The following CNTNAP2 variants were observed in gnomAD, a reference collection of about 807,000 sequenced individuals.
CNTNAP2 encodes contactin associated protein 2.
CNTNAP2 carries 98 observed loss-of-function variants against 155.2 expected under a neutral mutation model. That is an observed-to-expected ratio of 0.63 (90% CI 0.54 to 0.75). The LOEUF is 0.75. CNTNAP2 is among the 30% of genes least tolerant of loss of function. The pLI is 0.00. For synonymous variants in CNTNAP2, 651 were observed against 631.2 expected (o/e 1.03, Z -0.47); for missense variants, 1,727 against 1,688.1 (o/e 1.02, Z -0.40).
chr7:146,891,115 G>A (rs1351996135), intron 3 of CNTNAP2, among the ~76,000 whole-genome samples: 2 of 152,110 alleles, frequency 1.3e-5, no homozygotes, highest in Non-Finnish European at 2.9e-5. Context: ...GCAGCTAGAG[G>A]CCATTATCCT....
chr7:147,036,572 C>G (rs113306437), intron 3 of CNTNAP2, among the ~76,000 whole-genome samples: 5 of 152,180 alleles, frequency 3.3e-5, no homozygotes, highest in African/African-American at 9.6e-5. Context: ...AAACCCTATT[C>G]TAAGCATATA....
intron 1 of CNTNAP2, among the ~76,000 whole-genome samples, chr7:146,170,020 T>TTC (rs901402608): frequency 7.0e-6 from 1 of 142,896 alleles, no homozygotes; most frequent in Non-Finnish European, 1.5e-5. Context: ...TTTCTTTTCT[T>TTC]TTTTTTTTTT....
At chr7:146,347,222 T>C (rs756126873) in intron 1 of CNTNAP2, among the ~76,000 whole-genome samples, 2 of 148,932 alleles carry the variant, frequency 1.3e-5, no homozygotes, top group Non-Finnish European at 3.0e-5. Context: ...AAAATAGAGA[T>C]GGAGGAGAAA....
rs184112823 is a variant in CNTNAP2 at position 147,148,803 on chromosome 7, G to A, written c.1348+16294G>A. Among the ~76,000 whole-genome samples, 633 of 152,186 alleles carry A rather than the reference G, an allele frequency of 4.2e-3. 4 individuals carry two copies. The highest frequency in any genetic ancestry group is 6.6e-3 in the Non-Finnish European group (450 of 68,024). ...TCTCACTGACTTCGGGAGTGAAGCC[G>A]CAAACCTTTGCAGTGAGTGTTACAG... is the stretch of plus-strand genomic sequence containing the variant. On this transcript the variant is annotated intron_variant, in intron 8 of 23. Coordinates refer to ENST00000361727, the MANE Select transcript of CNTNAP2 (RefSeq NM_014141.6).
intron 2 of CNTNAP2, among the ~76,000 whole-genome samples, chr7:146,831,553 G>A (rs888196431): frequency 6.6e-6 from 1 of 151,122 alleles, no homozygotes; most frequent in African/African-American, 2.4e-5. Context: ...GCATGTGCCT[G>A]TAATCCCAGC....
At chr7:147,210,945 C>T (rs545882954) in intron 8 of CNTNAP2, among the ~76,000 whole-genome samples, 10 of 149,086 alleles carry the variant, frequency 6.7e-5, no homozygotes, top group South Asian at 2.1e-4. Flanking sequence ...GAGTATGCTT[C>T]GTATGATTTA....
intron 10 of CNTNAP2, among the ~76,000 whole-genome samples, chr7:147,398,405 G>GA (rs35760248): frequency 0.74 from 108,950 of 146,258 alleles, 41,098 homozygotes; most frequent in African/African-American, 0.9. Context: ...TTGAGAGGGA[G>GA]AAAAAAAAAA....
rs868099461 is a variant in CNTNAP2, at chr7:146,189,247, G to A, written c.97+72274G>A. On this transcript the variant is annotated intron_variant, in intron 1 of 23. Coordinates refer to ENST00000361727, the MANE Select transcript of CNTNAP2 (RefSeq NM_014141.6). The stretch of plus-strand genomic sequence containing the variant: ...ATTTCTTGTCTCACAAAACAATTAC[G>A]AAAATTATGTTGGCCACATGATAAT... Among the ~76,000 whole-genome samples the A allele has an allele frequency of 7.9e-5, 12 of 152,034 alleles. No individual in the cohort carries two copies. In the South Asian group the frequency reaches 1.0e-3, roughly 13 times the overall value.
chr7:147,904,733 T>C (rs1799929953), intron 14 of CNTNAP2, among the ~76,000 whole-genome samples: 1 of 152,242 alleles, frequency 6.6e-6, no homozygotes, highest in African/African-American at 2.4e-5. Context: ...TTATATTTCT[T>C]CTAGTAAATA....
At chr7:146,308,077 A>G (rs143678023) in intron 1 of CNTNAP2, among the ~76,000 whole-genome samples, 35,548 of 152,052 alleles carry the variant, frequency 0.23, 5,167 homozygotes, top group Admixed American at 0.39. Flanking sequence ...CAATCTACCC[A>G]TCTGACAAAG....
chr7:147,488,011 A>G (rs1334333956), intron 11 of CNTNAP2, among the ~76,000 whole-genome samples: 1 of 151,734 alleles, frequency 6.6e-6, no homozygotes. Context: ...AATAGAGGTG[A>G]AAAGACCATA....
At chr7:147,817,817 AT>A (rs1235011469) in intron 13 of CNTNAP2, among the ~76,000 whole-genome samples, 5 of 151,106 alleles carry the variant, frequency 3.3e-5, no homozygotes, top group Admixed American at 3.3e-4. Flanking sequence ...AGGCAGGAGA[AT>A]GGCGTGAACC....
chr7:146,941,871 G>A (rs1246720723), intron 3 of CNTNAP2, among the ~76,000 whole-genome samples: 2 of 151,394 alleles, frequency 1.3e-5, no homozygotes, highest in East Asian at 3.9e-4. Context: ...TAGGTATATT[G>A]GAACTTCCTT....
chr7:146,960,329 T>A (rs1465365173), intron 3 of CNTNAP2, among the ~76,000 whole-genome samples: 1 of 152,186 alleles, frequency 6.6e-6, no homozygotes, highest in Non-Finnish European at 1.5e-5. Context: ...ATTTTCTCAG[T>A]TTTAGCATTT....
intron 1 of CNTNAP2, among the ~76,000 whole-genome samples, chr7:146,179,809 AG>A (rs1798524593): frequency 6.6e-6 from 1 of 152,192 alleles, no homozygotes; most frequent in East Asian, 1.9e-4. Flanking sequence ...GAAAAGAAAA[AG>A]TTTCAGGAAG....
intron 15 of CNTNAP2, among the ~76,000 whole-genome samples, chr7:148,087,567 G>T (rs1239020540): frequency 6.6e-6 from 1 of 152,078 alleles, no homozygotes; most frequent in African/African-American, 2.4e-5. Context: ...AATTTGATCA[G>T]CAGGAATCTC....
intron 1 of CNTNAP2, among the ~76,000 whole-genome samples, chr7:146,142,953 T>C (rs534657140): frequency 1.3e-5 from 2 of 152,346 alleles, no homozygotes; most frequent in East Asian, 3.9e-4. Flanking sequence ...ATGACTGAAG[T>C]ACATAGTTAG....
intron 2 of CNTNAP2, among the ~76,000 whole-genome samples, chr7:146,793,338 TC>T (rs1374004712): frequency 1.3e-5 from 2 of 152,220 alleles, no homozygotes; most frequent in African/African-American, 4.8e-5. Flanking sequence ...CAAATTTAGA[TC>T]TGCAGTCTCT....
chr7:147,544,344 C>A (rs2116751083), intron 11 of CNTNAP2, among the ~76,000 whole-genome samples: 1 of 152,170 alleles, frequency 6.6e-6, no homozygotes, highest in South Asian at 2.1e-4. Context: ...AAATTTCAGG[C>A]TCCTGGTAAT....
Sources: gnomAD v4.1 joint callset for allele counts (sites outside exome capture counted in the v4.1 genomes callset) on GRCh38, gnomAD v4.1.1 for gene constraint, MANE v1.5 for transcripts, NCBI Gene and HGNC (gene_info 2026-07-23, HGNC 2026-07-21) for gene names.